ANKRD13C: variants seen among roughly 807,000 people sequenced by gnomAD.
ANKRD13C encodes ankyrin repeat domain 13C.
ANKRD13C carries 16 observed loss-of-function variants against 65.5 expected under a neutral mutation model. That is an observed-to-expected ratio of 0.24 (90% CI 0.17 to 0.37). The LOEUF (loss-of-function observed/expected upper bound fraction) is 0.37, where lower values mean the gene tolerates loss of function less well. ANKRD13C is among the 10% of genes least tolerant of loss of function. ANKRD13C has a pLI of 1.00. For missense variants in ANKRD13C, 503 were observed against 655.9 expected, an observed-to-expected ratio of 0.77 and a Z score of 2.55; for synonymous variants, 235 against 238.7, an observed-to-expected ratio of 0.98 and a Z score of 0.14.
At position 70,308,557 on chromosome 1, in the gene ANKRD13C, G is replaced by C. The variant is rs1327836933; in HGVS notation, c.710-2267C>G. ...GATGAAGACGGTCCTGGCTAACACGGTGAAACCCCGTCTTTACTAAAAATA... is the reference window on the plus strand; with the variant it reads ...GATGAAGACGGTCCTGGCTAACACGCTGAAACCCCGTCTTTACTAAAAATA... On this transcript the variant is annotated intron_variant, in intron 5 of 12. Transcript: ENST00000370944. Among the ~76,000 whole-genome samples, 4 of 151,806 alleles carry C rather than the reference G, an allele frequency of 2.6e-5. 1 individual carries two copies. The highest frequency in any genetic ancestry group is 9.7e-5 in the African/African-American group (4 of 41,372).
In ANKRD13C at chr1:70,259,481, C is replaced by G. The variant is rs1387767087; in HGVS notation, c.*3236G>C. Among the ~76,000 whole-genome samples, 1 of 152,136 alleles carries G rather than the reference C, an allele frequency of 6.6e-6. No individual in the cohort carries two copies. The highest frequency in any genetic ancestry group is 1.5e-5 in the Non-Finnish European group (1 of 68,006). The stretch of plus-strand genomic sequence containing the variant: ...ACTGTAACAATTAAAAAGCTCATCA[C>G]AAGGTAAGCTCACTCTGTAAGGATG... On this transcript the variant is annotated 3_prime_UTR_variant, in exon 13 of 13. Transcript: ENST00000370944.
At chr1:70,289,215 G>A (rs1256469139) in intron 9 of ANKRD13C, among the ~76,000 whole-genome samples, 1 of 152,094 alleles carries the variant, frequency 6.6e-6, no homozygotes, top group Admixed American at 6.5e-5. Flanking sequence ...CCATTATGTA[G>A]CTATCTGGCA....
chr1:70,339,733 C>T (rs193224647), intron 1 of ANKRD13C, among the ~76,000 whole-genome samples: 3 of 151,756 alleles, frequency 2.0e-5, no homozygotes, highest in Admixed American at 1.3e-4. Context: ...TATACGATGA[C>T]ATTTGAATTT....
intron 5 of ANKRD13C, among the ~76,000 whole-genome samples, chr1:70,313,499 C>T (rs1332849764): frequency 6.8e-6 from 1 of 147,656 alleles, no homozygotes; most frequent in Non-Finnish European, 1.5e-5. Flanking sequence ...CACTGCACTC[C>T]AGCCTGGGCA....
intron 12 of ANKRD13C, among the ~76,000 whole-genome samples, chr1:70,265,755 G>A (rs1572011151): frequency 7.2e-6 from 1 of 139,470 alleles, no homozygotes; most frequent in African/African-American, 2.7e-5. Flanking sequence ...AGACTGGTAA[G>A]CAGAAGTTGC....
intron 6 of ANKRD13C, among the ~76,000 whole-genome samples, chr1:70,304,306 A>T (rs1422329098): frequency 1.3e-5 from 2 of 152,162 alleles, no homozygotes; most frequent in Non-Finnish European, 2.9e-5. Context: ...TATAATATGT[A>T]CTAAAACATT....
chr1:70,328,150 A>G (rs1681628868), intron 2 of ANKRD13C, among the ~76,000 whole-genome samples: 1 of 152,160 alleles, frequency 6.6e-6, no homozygotes, highest in Non-Finnish European at 1.5e-5. Flanking sequence ...GTCTATATGG[A>G]AAGCATTTGA....
At chr1:70,319,741 C>G (rs970152669) in intron 3 of ANKRD13C, among the ~76,000 whole-genome samples, 1 of 151,844 alleles carries the variant, frequency 6.6e-6, no homozygotes, top group Admixed American at 6.6e-5. Flanking sequence ...CTTCTAAAAC[C>G]CTTTGAGACA....
intron 6 of ANKRD13C, among the ~76,000 whole-genome samples, chr1:70,305,451 T>C (rs1438255033): frequency 6.6e-6 from 1 of 152,070 alleles, no homozygotes; most frequent in Admixed American, 6.6e-5. Flanking sequence ...ACCCTTAAAC[T>C]TTCAAATTAA....
chr1:70,277,945 C>T (rs922214389), intron 9 of ANKRD13C, among the ~76,000 whole-genome samples: 4 of 151,402 alleles, frequency 2.6e-5, no homozygotes, highest in African/African-American at 7.3e-5. Context: ...CCCAATACTT[C>T]GGGAGACAAA....
chr1:70,314,745 A>G (rs1406309813), intron 4 of ANKRD13C, among the ~76,000 whole-genome samples: 3 of 151,916 alleles, frequency 2.0e-5, no homozygotes, highest in African/African-American at 7.2e-5. Context: ...AGATCTAAAA[A>G]AAAAAAAAAG....
chr1:70,296,773 T>G (rs1272140183), intron 7 of ANKRD13C, among the ~76,000 whole-genome samples: 1 of 152,048 alleles, frequency 6.6e-6, no homozygotes, highest in African/African-American at 2.4e-5. Flanking sequence ...AAGGGAGGGA[T>G]AGAAGAAGGG....
chr1:70,354,069 AGT>A lies in ANKRD13C; in HGVS notation c.338_339del (p.His113LeufsTer29), dbSNP rs1682878600. On this transcript the variant is annotated frameshift_variant, in exon 1 of 13. Transcript: ENST00000370944. LOFTEE classifies it high-confidence loss of function. ...TTGAAGACGCACTCGTGCACCGGGT[AGT>A]GTGCGGGGCAACTGCCTCCATCCGC... ...VVADGGSCPA[H>X]YPVHECVFKG... The A allele has an allele frequency of 6.2e-7, 1 of 1,608,334 alleles. No individual in the cohort carries two copies. Among genetic ancestry groups the A allele is most frequent in the Admixed American group, 1.7e-5 (1 of 59,574 alleles).
intron 11 of ANKRD13C, 68 bp downstream of exon 11, chr1:70,274,652 A>G: frequency 8.2e-7 from 1 of 1,214,386 alleles, no homozygotes; most frequent in Non-Finnish European, 1.2e-6. Context: ...CTGGGGTGCA[A>G]ATATTATTAC....
chr1:70,264,835 G>A (rs1218287968), intron 12 of ANKRD13C, among the ~76,000 whole-genome samples: 1 of 152,128 alleles, frequency 6.6e-6, no homozygotes, highest in Non-Finnish European at 1.5e-5. Context: ...TCAGTGTTGG[G>A]GGTACGAGCT....
chr1:70,261,261 A>T lies in ANKRD13C; in HGVS notation c.*1456T>A, dbSNP rs1678380047. On this transcript the variant is annotated 3_prime_UTR_variant, in exon 13 of 13. Transcript: ENST00000370944. ...GCAGCTTTAAAGATGTTTATTTAAAATTTTTCTTACGGTTTATGCTTTGGA... is the reference window on the plus strand; with the variant it reads ...GCAGCTTTAAAGATGTTTATTTAAATTTTTTCTTACGGTTTATGCTTTGGA... 4 of 152,030 alleles carry T rather than the reference A, an allele frequency of 2.6e-5. No homozygotes were observed. The highest frequency in any genetic ancestry group is 2.6e-4 in the Admixed American group (4 of 15,246). 9.4% of individuals were successfully genotyped at this position (152,030 alleles called of 1,614,324 possible). A position where few individuals can be genotyped will look rare whatever the true frequency, so the allele number is the denominator to read the frequency against.
chr1:70,285,187 CTTTTTTTTTTTTTT>C (rs60703728), intron 9 of ANKRD13C, among the ~76,000 whole-genome samples: 18 of 105,236 alleles, frequency 1.7e-4, no homozygotes, highest in Admixed American at 9.4e-4. Context: ...TTTATAATGT[CTTTTTTTTTTTTTT>C]TTTTTTTTTG....
At chr1:70,307,630 G>GT (rs1680643025) in intron 5 of ANKRD13C, among the ~76,000 whole-genome samples, 1 of 152,112 alleles carries the variant, frequency 6.6e-6, no homozygotes, top group South Asian at 2.1e-4. Context: ...GTGAAATAAT[G>GT]TAAGAAATCT....
chr1:70,266,806 G>C (rs1254966755), intron 12 of ANKRD13C, among the ~76,000 whole-genome samples: 1 of 152,020 alleles, frequency 6.6e-6, no homozygotes, highest in Non-Finnish European at 1.5e-5. Context: ...GAACACACTC[G>C]GTATGATTTT....
Sources: gnomAD v4.1 joint callset for allele counts (sites outside exome capture counted in the v4.1 genomes callset) on GRCh38, gnomAD v4.1.1 for gene constraint, MANE v1.5 for transcripts, NCBI Gene and HGNC (gene_info 2026-07-23, HGNC 2026-07-21) for gene names.